The following WWTR1 variants were observed in gnomAD, a reference collection of about 807,000 sequenced individuals.
The protein encoded by WWTR1 is WW domain containing transcription regulator 1.
Under a neutral mutation model 40.1 loss-of-function variants are expected in WWTR1, and 13 were observed. That is an observed-to-expected ratio of 0.32 (90% CI 0.21 to 0.52). The LOEUF is 0.52. WWTR1 is among the 20% of genes least tolerant of loss of function. WWTR1 has a pLI of 0.97. For missense variants in WWTR1, 436 were observed against 523.1 expected, an observed-to-expected ratio of 0.83 and a Z score of 1.63; for synonymous variants, 230 against 210.1, an observed-to-expected ratio of 1.09 and a Z score of -0.82.
intron 3 of WWTR1, among the ~76,000 whole-genome samples, chr3:149,572,427 CCTAA>C (rs1278598238): frequency 2.6e-5 from 4 of 152,184 alleles, no homozygotes; most frequent in Admixed American, 6.5e-5. Flanking sequence ...AGACAGGAGG[CCTAA>C]CTGATTTTTC....
At chr3:149,589,795 GGAAT>G (rs10538955) in intron 2 of WWTR1, among the ~76,000 whole-genome samples, 63,975 of 151,258 alleles carry the variant, frequency 0.42, 13,797 homozygotes, top group African/African-American at 0.5. Flanking sequence ...CTGAATTAAA[GGAAT>G]GAATGAATGA....
chr3:149,546,864 C>T (rs1244977429), intron 3 of WWTR1, among the ~76,000 whole-genome samples: 1 of 152,088 alleles, frequency 6.6e-6, no homozygotes, highest in Non-Finnish European at 1.5e-5. Flanking sequence ...GATGAGGAAA[C>T]CAAAACTCAG....
At chr3:149,584,954 C>G (rs1738342936) in intron 2 of WWTR1, among the ~76,000 whole-genome samples, 1 of 152,082 alleles carries the variant, frequency 6.6e-6, no homozygotes, top group Non-Finnish European at 1.5e-5. Context: ...CCTTCCTTTC[C>G]CTTGTGAAAA....
At chr3:149,590,468 G>A (rs970838367) in intron 2 of WWTR1, among the ~76,000 whole-genome samples, 1 of 152,136 alleles carries the variant, frequency 6.6e-6, no homozygotes, top group African/African-American at 2.4e-5. Flanking sequence ...TGGCCAACGT[G>A]GTGAAACCCC....
chr3:149,666,386 T>C (rs1210020610), intron 2 of WWTR1, among the ~76,000 whole-genome samples: 1 of 152,206 alleles, frequency 6.6e-6, no homozygotes, highest in Admixed American at 6.5e-5. Context: ...AATTCACACA[T>C]GCTTAAAAAT....
rs71138404 is a variant in WWTR1, at chr3:149,674,056, C to CAAAAAAAAAAAAAAAAAAA, written c.-107-4166_-107-4165insTTTTTTTTTTTTTTTTTTT. 1.4e-3 allele frequency among the ~76,000 whole-genome samples: 166 copies of CAAAAAAAAAAAAAAAAAAA among 121,802 alleles called. 3 individuals carry two copies. The highest frequency in any genetic ancestry group is 4.8e-3 in the African/African-American group (155 of 32,158). 79.9% of individuals were successfully genotyped at this position (121,802 alleles called of 152,430 possible). On this transcript the variant is annotated intron_variant, in intron 1 of 7. Coordinates refer to the WWTR1 transcript ENST00000465804. ...GCAACATAGTAAGACCTCGTCTCTACAAAAAAAAAAAAATTAGCTGGGCAT... is the reference window on the plus strand; with the variant it reads ...GCAACATAGTAAGACCTCGTCTCTACAAAAAAAAAAAAAAAAAAAAAAAAAAAAAAAATTAGCTGGGCAT...
In WWTR1 at chr3:149,534,549, AT is replaced by A. The variant is rs1735736440; in HGVS notation, c.772-6581del. Among the ~76,000 whole-genome samples the A allele has an allele frequency of 2.0e-5, 3 of 152,348 alleles. No individual in the cohort carries two copies. In the South Asian group the frequency reaches 6.2e-4, roughly 32 times the overall value. On this transcript the variant is annotated intron_variant, in intron 4 of 6. Transcript: ENST00000360632. ...CAGGGCAACAGAATGAACTGGATGT[AT>A]TCAATGATAGTTTTCAACGTATATG...
intron 2 of WWTR1, among the ~76,000 whole-genome samples, chr3:149,586,182 C>G (rs1738412537): frequency 6.6e-6 from 1 of 152,022 alleles, no homozygotes; most frequent in South Asian, 2.1e-4. Flanking sequence ...GCGTATATAA[C>G]TTTTTGTTTT....
chr3:149,544,509 G>A (rs983274610), intron 3 of WWTR1, among the ~76,000 whole-genome samples: 27 of 152,300 alleles, frequency 1.8e-4, no homozygotes, highest in Middle Eastern at 3.4e-3. Context: ...GTGGCTTATG[G>A]AACATGAAAC....
chr3:149,654,321 C>A (rs778583213), intron 2 of WWTR1, among the ~76,000 whole-genome samples: 2 of 152,162 alleles, frequency 1.3e-5, no homozygotes, highest in Non-Finnish European at 2.9e-5. Flanking sequence ...CAACTTTAAA[C>A]AAAACTCTAC....
chr3:149,597,013 G>T (rs1452001053), intron 2 of WWTR1, among the ~76,000 whole-genome samples: 3 of 152,054 alleles, frequency 2.0e-5, no homozygotes, highest in African/African-American at 7.3e-5. Flanking sequence ...TTATGATTAG[G>T]ACACAATGAT....
At chr3:149,649,350 C>T (rs1277009253) in intron 2 of WWTR1, among the ~76,000 whole-genome samples, 4 of 152,198 alleles carry the variant, frequency 2.6e-5, no homozygotes, top group Non-Finnish European at 5.9e-5. Flanking sequence ...TTTTAGATGG[C>T]ACAAAGGCAA....
chr3:149,719,106 G>T (rs905544485), intron 4 of WWTR1, among the ~76,000 whole-genome samples: 3 of 151,778 alleles, frequency 2.0e-5, no homozygotes, highest in Non-Finnish European at 2.9e-5. Context: ...GATTACAGAT[G>T]TGAGGCACCA....
intron 2 of WWTR1, among the ~76,000 whole-genome samples, chr3:149,600,821 C>T (rs1238236625): frequency 6.6e-6 from 1 of 152,190 alleles, no homozygotes; most frequent in Non-Finnish European, 1.5e-5. Flanking sequence ...AATGCTCACT[C>T]TTGGAACCCA....
At chr3:149,642,770 G>A (rs1183765377) in intron 2 of WWTR1, among the ~76,000 whole-genome samples, 2 of 144,656 alleles carry the variant, frequency 1.4e-5, no homozygotes, top group African/African-American at 2.6e-5. Context: ...GTGAGACTCC[G>A]TCTCAAAAAA....
At chr3:149,639,720 G>A (rs1712040471) in intron 2 of WWTR1, among the ~76,000 whole-genome samples, 1 of 152,052 alleles carries the variant, frequency 6.6e-6, no homozygotes, top group African/African-American at 2.4e-5. Context: ...TTGGCTGGGT[G>A]CAGTGGCTCA....
At chr3:149,674,235 GTCTC>G (rs558112555) in intron 1 of WWTR1, among the ~76,000 whole-genome samples, 89 of 148,544 alleles carry the variant, frequency 6.0e-4, no homozygotes, top group South Asian at 3.0e-3. Flanking sequence ...CTCTGTCTCT[GTCTC>G]TCTCTCTCTC....
At chr3:149,536,920 T>G (rs199746458) in intron 4 of WWTR1, among the ~76,000 whole-genome samples, 1 of 152,164 alleles carries the variant, frequency 6.6e-6, no homozygotes, top group Non-Finnish European at 1.5e-5. Flanking sequence ...GGTTAAAATC[T>G]TCCAGAAAGA....
intron 2 of WWTR1, among the ~76,000 whole-genome samples, chr3:149,581,264 A>C (rs1161456690): frequency 6.6e-6 from 1 of 152,196 alleles, no homozygotes; most frequent in Non-Finnish European, 1.5e-5. Context: ...TAGAAGATAC[A>C]AAGAGGTAAA....
Sources: gnomAD v4.1 joint callset for allele counts (sites outside exome capture counted in the v4.1 genomes callset) on GRCh38, gnomAD v4.1.1 for gene constraint, MANE v1.5 for transcripts, NCBI Gene and HGNC (gene_info 2026-07-23, HGNC 2026-07-21) for gene names.